The following NOL10 variants were observed in gnomAD, a reference collection of about 807,000 sequenced individuals.
NOL10 encodes the protein H_NH0074G24.1.
NOL10 carries 58 observed loss-of-function variants against 103.5 expected under a neutral mutation model. The ratio of observed to expected loss-of-function variants is 0.56; its 90% CI spans 0.45 to 0.70. The LOEUF (loss-of-function observed/expected upper bound fraction) is 0.70, where lower values mean the gene tolerates loss of function less well. Ranked by LOEUF, NOL10 falls within the 30% of genes least tolerant of loss-of-function variation. NOL10 has a pLI of 0.00. For synonymous variants in NOL10, 287 were observed against 282.5 expected, an observed-to-expected ratio of 1.02 and a Z score of -0.16; for missense variants, 763 against 807.3, an observed-to-expected ratio of 0.95 and a Z score of 0.67.
chr2:10,595,397 C>G (rs764560174), intron 17 of NOL10, among the ~76,000 whole-genome samples: 35 of 152,158 alleles, frequency 2.3e-4, no homozygotes, highest in Non-Finnish European at 4.0e-4. Context: ...CTAACTGCGG[C>G]CTTGCAGGGA....
In NOL10 at chr2:10,657,825, T is replaced by C. The variant is rs754995638; in HGVS notation, c.823A>G (p.Ile275Val). Residue 275 changes from isoleucine to valine, a missense_variant, in exon 11 of 21, where the codon ATT becomes GTT. Coordinates refer to ENST00000381685, the MANE Select transcript of NOL10 (RefSeq NM_024894.4). ...GAATCCTGGAAATGAACGGACTTAA[T>C]GGGCAGCCCATACTGGTGATCTTTA... ...LVKDHQYGLPIKSVHFQDSLD... is the reference protein window; with the variant it reads ...LVKDHQYGLPVKSVHFQDSLD... 1.3e-4 allele frequency: 208 copies of C among 1,551,088 alleles called. 2 individuals are homozygous for C. The highest frequency in any genetic ancestry group is 4.9e-5 in the East Asian group (2 of 40,890).
At position 10,661,025 on chromosome 2, in the gene NOL10, T is replaced by C. The variant is rs539670916; in HGVS notation, c.678-1775A>G. On this transcript the variant is annotated intron_variant, in intron 9 of 20. Coordinates refer to ENST00000381685, the MANE Select transcript of NOL10 (RefSeq NM_024894.4). ...TCGGGTATACATCCAGTCTTCTTCC[T>C]ATGACTATGTTTGTGTTCACTGCTT... 2.0e-5 allele frequency among the ~76,000 whole-genome samples: 3 copies of C among 152,260 alleles called. No homozygotes were observed. The South Asian group carries it at 6.2e-4, about 32-fold the overall frequency.
chr2:10,637,294 T>A (rs771149698), intron 13 of NOL10, among the ~76,000 whole-genome samples: 11 of 151,876 alleles, frequency 7.2e-5, no homozygotes, highest in Admixed American at 1.3e-4. Flanking sequence ...TATTTCTTCA[T>A]TGAGCAAGAA....
At chr2:10,661,290 G>T (rs1680185241) in intron 9 of NOL10, among the ~76,000 whole-genome samples, 1 of 151,740 alleles carries the variant, frequency 6.6e-6, no homozygotes, top group Non-Finnish European at 1.5e-5. Context: ...GGTCAGGCTG[G>T]TCTCAAACTC....
chr2:10,618,579 T>G (rs1011582712), intron 13 of NOL10, among the ~76,000 whole-genome samples: 3 of 152,224 alleles, frequency 2.0e-5, no homozygotes, highest in African/African-American at 7.2e-5. Context: ...GTTTTCCTAT[T>G]TTTGTATTTT....
At chr2:10,656,232 C>G (rs2148311545) in intron 11 of NOL10, among the ~76,000 whole-genome samples, 1 of 152,248 alleles carries the variant, frequency 6.6e-6, no homozygotes, top group African/African-American at 2.4e-5. Flanking sequence ...ATTGTTTTAA[C>G]ATCAATTAGT....
At chr2:10,596,614 T>C (rs1675708094) in intron 17 of NOL10, among the ~76,000 whole-genome samples, 1 of 152,124 alleles carries the variant, frequency 6.6e-6, no homozygotes, top group South Asian at 2.1e-4. Context: ...GGGGAGTGGC[T>C]GTAAATACAG....
chr2:10,576,738 G>A (rs1163996376), intron 20 of NOL10, among the ~76,000 whole-genome samples: 2 of 152,180 alleles, frequency 1.3e-5, no homozygotes, highest in African/African-American at 4.8e-5. Context: ...AATGCTAAAG[G>A]GTATAGGGCT....
At chr2:10,623,621 T>A (rs1278361248) in intron 13 of NOL10, among the ~76,000 whole-genome samples, 2 of 152,222 alleles carry the variant, frequency 1.3e-5, no homozygotes, top group Non-Finnish European at 2.9e-5. Context: ...GTGCAGTTTT[T>A]GATATCCCAC....
chr2:10,598,220 G>A (rs960961456), intron 17 of NOL10, among the ~76,000 whole-genome samples: 1 of 152,178 alleles, frequency 6.6e-6, no homozygotes, highest in Non-Finnish European at 1.5e-5. Context: ...TTTTCTCAAA[G>A]CCTGTCAGTG....
intron 12 of NOL10, among the ~76,000 whole-genome samples, chr2:10,647,889 T>G (rs1268466724): frequency 1.3e-5 from 2 of 152,242 alleles, no homozygotes; most frequent in Admixed American, 6.5e-5. Context: ...TCTACCACTA[T>G]TAAGCCTGAA....
chr2:10,589,785 T>C, intron 17 of NOL10, 34 bp from the exon 18 acceptor site: 4 of 1,326,108 alleles, frequency 3.0e-6, no homozygotes, highest in Non-Finnish European at 4.0e-6. Flanking sequence ...AAAATTTAAG[T>C]TAATATCTGA....
At chr2:10,637,297 A>G (rs997161511) in intron 13 of NOL10, among the ~76,000 whole-genome samples, 1 of 152,030 alleles carries the variant, frequency 6.6e-6, no homozygotes, top group Admixed American at 6.6e-5. Flanking sequence ...TTCTTCATTG[A>G]GCAAGAAAAA....
chr2:10,578,362 G>T (rs886882023), intron 19 of NOL10, among the ~76,000 whole-genome samples: 3 of 152,222 alleles, frequency 2.0e-5, no homozygotes, highest in African/African-American at 7.2e-5. Flanking sequence ...TACACTTTGG[G>T]TAACTGTACC....
chr2:10,581,799 C>T (rs1169072199), intron 19 of NOL10, among the ~76,000 whole-genome samples: 1 of 151,816 alleles, frequency 6.6e-6, no homozygotes, highest in African/African-American at 2.4e-5. Context: ...CCAGCCTGGG[C>T]GACAGTGTGA....
intron 17 of NOL10, 23 bp downstream of exon 17, chr2:10,600,830 T>C (rs1347972644): frequency 1.4e-6 from 2 of 1,437,768 alleles, no homozygotes; most frequent in South Asian, 1.3e-5. Flanking sequence ...CAGAAACAAT[T>C]TGCCGATACT....
chr2:10,587,110 C>CATACACATATATGTAT (rs1558270217), intron 19 of NOL10, among the ~76,000 whole-genome samples: 1 of 42,184 alleles, frequency 2.4e-5, no homozygotes, highest in African/African-American at 1.3e-4. Context: ...CATATATATA[C>CATACACATATATGTAT]ATATATATAC....
Position 10,572,135 on chromosome 2 carries a change from T to C in NOL10, c.2003A>G (p.Lys668Arg), listed in dbSNP as rs1674211483. 6.2e-7 allele frequency: 1 copy of C among 1,614,014 alleles called. No homozygotes were observed. Among genetic ancestry groups the C allele is most frequent in the Non-Finnish European group, 8.5e-7 (1 of 1,179,894 alleles). ...GTGTCCGGCCGAACGACGGAGTCTTTTCCTTTCTTGTCGATGCAGTTTCTC... is the reference window on the plus strand; with the variant it reads ...GTGTCCGGCCGAACGACGGAGTCTTCTCCTTTCTTGTCGATGCAGTTTCTC... ...EAEKLHRQER[K>R]RLRRSAGHLK... Residue 668 changes from lysine to arginine, a missense_variant, in exon 21 of 21, where the codon AAA becomes AGA. Physicochemically the swap from Lys to Arg is conservative, Grantham distance 26. Coordinates refer to ENST00000381685, the MANE Select transcript of NOL10 (RefSeq NM_024894.4).
intron 13 of NOL10, 61 bp downstream of exon 13, chr2:10,644,259 A>C (rs1678909127): frequency 3.2e-6 from 4 of 1,251,376 alleles, no homozygotes; most frequent in Non-Finnish European, 4.4e-6. Flanking sequence ...AAATTAAATA[A>C]ATAATAAAAA....
Sources: allele counts gnomAD v4.1 joint callset (sites outside exome capture counted in the v4.1 genomes callset), GRCh38; gene constraint gnomAD v4.1.1; transcripts MANE v1.5; gene names NCBI Gene and HGNC (gene_info 2026-07-23, HGNC 2026-07-21).